ADAMTS19: variants seen among roughly 807,000 people sequenced by gnomAD.
ADAMTS19 encodes the protein ADAM metallopeptidase with thrombospondin type 1 motif 19.
ADAMTS19 carries 93 observed loss-of-function variants against 153.3 expected under a neutral mutation model. The ratio of observed to expected loss-of-function variants is 0.61; its 90% CI spans 0.51 to 0.72. The LOEUF (loss-of-function observed/expected upper bound fraction) is 0.72. Among genes scored for constraint, ADAMTS19 ranks in the 30% least tolerant of loss-of-function variants. The pLI is 0.00. For missense variants in ADAMTS19, 1,482 were observed against 1,552.1 expected (o/e 0.95, Z 0.76); for synonymous variants, 600 against 556.6 (o/e 1.08, Z -1.10).
At chr5:129,654,784 T>G (rs1753472506) in intron 14 of ADAMTS19, among the ~76,000 whole-genome samples, 1 of 152,162 alleles carries the variant, frequency 6.6e-6, no homozygotes, top group Non-Finnish European at 1.5e-5. Context: ...CCATGCTTTG[T>G]GTCTAAGACT....
intron 6 of ADAMTS19, among the ~76,000 whole-genome samples, chr5:129,534,538 A>C (rs868560017): frequency 3.3e-5 from 5 of 152,132 alleles, no homozygotes; most frequent in Non-Finnish European, 5.9e-5. Context: ...ATTCCAATCA[A>C]TAGAAAAAGG....
At chr5:129,608,116 G>GTGTGTGTGTGTGTATATATATATATA (rs377008786) in intron 8 of ADAMTS19, among the ~76,000 whole-genome samples, 1 of 47,950 alleles carries the variant, frequency 2.1e-5, no homozygotes, top group Non-Finnish European at 5.0e-5. Context: ...GTGTGTGTGT[G>GTGTGTGTGTGTGTATATATATATATA]TATATATATA....
intron 19 of ADAMTS19, among the ~76,000 whole-genome samples, chr5:129,698,763 T>C (rs1755686021): frequency 6.6e-6 from 1 of 152,202 alleles, no homozygotes. Flanking sequence ...GATATGTAGA[T>C]GGACTTAGAT....
At chr5:129,637,043 T>C (rs1752563464) in intron 10 of ADAMTS19, among the ~76,000 whole-genome samples, 1 of 151,084 alleles carries the variant, frequency 6.6e-6, no homozygotes, top group African/African-American at 2.4e-5. Flanking sequence ...TTTCTCTTTT[T>C]TGCCTCTTTG....
chr5:129,547,766 T>A (rs1163764110), intron 6 of ADAMTS19, among the ~76,000 whole-genome samples: 1 of 150,508 alleles, frequency 6.6e-6, no homozygotes, highest in Non-Finnish European at 1.5e-5. Context: ...ACTACCTGAC[T>A]TCAAACTACA....
At chr5:129,611,929 G>T (rs1354646617) in intron 8 of ADAMTS19, among the ~76,000 whole-genome samples, 2 of 151,706 alleles carry the variant, frequency 1.3e-5, no homozygotes, top group East Asian at 3.9e-4. Flanking sequence ...AGAGAGTGGG[G>T]GCTAATATTC....
chr5:129,496,289 CT>C, intron 2 of ADAMTS19, among the ~76,000 whole-genome samples: 1 of 152,124 alleles, frequency 6.6e-6, no homozygotes. Flanking sequence ...TTCTTAATTA[CT>C]GTAAAGATAT....
At chr5:129,709,980 AATTTT>A (rs1394179572) in intron 21 of ADAMTS19, among the ~76,000 whole-genome samples, 1 of 150,492 alleles carries the variant, frequency 6.6e-6, no homozygotes, top group Admixed American at 6.6e-5. Context: ...TTTTTAATTT[AATTTT>A]AAGTTCCGGG....
intron 8 of ADAMTS19, among the ~76,000 whole-genome samples, chr5:129,610,111 A>G (rs1751127056): frequency 7.6e-6 from 1 of 131,804 alleles, no homozygotes; most frequent in Non-Finnish European, 1.7e-5. Context: ...ATATATATAT[A>G]TATTATTTAA....
At chr5:129,664,982 C>T (rs1020761719) in intron 15 of ADAMTS19, among the ~76,000 whole-genome samples, 4 of 152,098 alleles carry the variant, frequency 2.6e-5, no homozygotes, top group African/African-American at 9.7e-5. Context: ...TTTCTGTCTC[C>T]GGCATCGGTT....
At chr5:129,641,472 A>G (rs1043957675) in intron 10 of ADAMTS19, among the ~76,000 whole-genome samples, 1 of 152,216 alleles carries the variant, frequency 6.6e-6, no homozygotes, top group Non-Finnish European at 1.5e-5. Context: ...ACCTTAGGGC[A>G]GCAGACACTG....
chr5:129,738,538 A>G lies in ADAMTS19; in HGVS notation c.*1320A>G, dbSNP rs1202430353. The G allele has an allele frequency of 6.6e-6, 1 of 152,032 alleles. No homozygotes were observed. The highest frequency in any genetic ancestry group is 1.5e-5 in the Non-Finnish European group (1 of 67,986). 9.4% of individuals were successfully genotyped at this position (152,032 alleles called of 1,614,324 possible). A position where few individuals can be genotyped will look rare whatever the true frequency, so the allele number is the denominator to read the frequency against. ...TCCCTAAAATTGGGGTTTCTTTACT[A>G]TAAGACAATCCAATGTATGTTCTGA... On this transcript the variant is annotated 3_prime_UTR_variant, in exon 23 of 23. Coordinates refer to ENST00000274487, the MANE Select transcript of ADAMTS19 (RefSeq NM_133638.6).
chr5:129,578,059 C>A (rs1376186400), intron 7 of ADAMTS19, among the ~76,000 whole-genome samples: 1 of 139,630 alleles, frequency 7.2e-6, no homozygotes. Flanking sequence ...CACACACACA[C>A]ACACACACAC....
intron 10 of ADAMTS19, among the ~76,000 whole-genome samples, chr5:129,624,582 A>G (rs1320727488): frequency 6.6e-6 from 1 of 152,168 alleles, no homozygotes. Context: ...GAACTGATCA[A>G]TGGATCAGTT....
chr5:129,612,704 T>C (rs531111125), intron 8 of ADAMTS19, among the ~76,000 whole-genome samples: 2 of 152,166 alleles, frequency 1.3e-5, no homozygotes, highest in African/African-American at 4.8e-5. Context: ...ACCTTTAATG[T>C]AAATGGGCTA....
chr5:129,562,639 CGTGT>C (rs909541819), intron 7 of ADAMTS19, among the ~76,000 whole-genome samples: 2 of 150,958 alleles, frequency 1.3e-5, no homozygotes, highest in Non-Finnish European at 1.5e-5. Flanking sequence ...TGTGTGTGTG[CGTGT>C]GTGTGTGTGT....
intron 21 of ADAMTS19, among the ~76,000 whole-genome samples, chr5:129,708,552 C>G (rs539144039): frequency 8.8e-6 from 1 of 114,108 alleles, no homozygotes; most frequent in Non-Finnish European, 1.7e-5. Context: ...TAAACTTCTG[C>G]AACTCCTGAT....
intron 21 of ADAMTS19, among the ~76,000 whole-genome samples, chr5:129,712,804 TCA>T (rs1756542219): frequency 6.6e-6 from 1 of 152,152 alleles, no homozygotes; most frequent in African/African-American, 2.4e-5. Flanking sequence ...AATGTATACT[TCA>T]GAGAGACTGA....
chr5:129,664,376 C>T (rs1372912301), intron 15 of ADAMTS19, among the ~76,000 whole-genome samples: 2 of 152,022 alleles, frequency 1.3e-5, no homozygotes, highest in South Asian at 2.1e-4. Context: ...TTAATTGCTG[C>T]GTATTTTGGT....
Sources: gnomAD v4.1 joint callset for allele counts (sites outside exome capture counted in the v4.1 genomes callset) on GRCh38, gnomAD v4.1.1 for gene constraint, MANE v1.5 for transcripts, NCBI Gene and HGNC (gene_info 2026-07-23, HGNC 2026-07-21) for gene names.